Variants in SYCP2L observed in about 807,000 individuals in gnomAD.
The protein encoded by SYCP2L is synaptonemal complex protein 2 like, also known as synaptonemal complex protein 2-like.
SYCP2L carries 98 observed loss-of-function variants against 125.8 expected under a neutral mutation model. That is an observed-to-expected ratio of 0.78 (90% confidence interval 0.66 to 0.92). SYCP2L has a LOEUF of 0.92. Among genes scored for constraint, SYCP2L ranks in the 40% least tolerant of loss-of-function variants. The pLI is 0.00. For missense variants in SYCP2L, 842 were observed against 936.4 expected (o/e 0.90, Z 1.32); for synonymous variants, 317 against 325.4 (o/e 0.97, Z 0.28).
chr6:10,969,531 T>G (rs1273146174), intron 29 of SYCP2L, among the ~76,000 whole-genome samples: 1 of 151,730 alleles, frequency 6.6e-6, no homozygotes, highest in Non-Finnish European at 1.5e-5. Flanking sequence ...CAGCTAATTT[T>G]TTTTTTGTAT....
chr6:10,916,991 C>CA (rs1484374715), intron 14 of SYCP2L, among the ~76,000 whole-genome samples: 8 of 152,200 alleles, frequency 5.3e-5, no homozygotes, highest in Non-Finnish European at 1.2e-4. Flanking sequence ...GACTCCATTT[C>CA]AAAAAATAAA....
At chr6:10,952,061 T>C (rs999870709) in intron 23 of SYCP2L, among the ~76,000 whole-genome samples, 6 of 152,194 alleles carry the variant, frequency 3.9e-5, no homozygotes, top group African/African-American at 1.2e-4. Context: ...GGATTTCACA[T>C]TCTTTTAAGA....
intron 29 of SYCP2L, 71 bp from the exon 30 acceptor site, chr6:10,973,881 G>C (rs1221525277): frequency 6.6e-6 from 1 of 152,210 alleles, no homozygotes; most frequent in Non-Finnish European, 1.5e-5. Context: ...TGGCTCACAG[G>C]GTTCTTAGGG....
chr6:10,943,846 A>G (rs1781264175), intron 23 of SYCP2L, among the ~76,000 whole-genome samples: 1 of 152,174 alleles, frequency 6.6e-6, no homozygotes, highest in African/African-American at 2.4e-5. Flanking sequence ...CTTTTGCTCA[A>G]TCATTTGTGA....
chr6:10,901,512 C>T (rs1403073571), intron 6 of SYCP2L, among the ~76,000 whole-genome samples: 1 of 152,176 alleles, frequency 6.6e-6, no homozygotes. Flanking sequence ...ACTTTTATTA[C>T]AGCAGAGTTT....
intron 9 of SYCP2L, among the ~76,000 whole-genome samples, chr6:10,907,291 C>A (rs941949236): frequency 6.6e-6 from 1 of 151,230 alleles, no homozygotes; most frequent in Non-Finnish European, 1.5e-5. Flanking sequence ...TGCAGTGAGT[C>A]GAGATTGGGC....
In SYCP2L at chr6:10,928,719, A is replaced by G. The variant is rs772081644; in HGVS notation, c.1488+269A>G. On this transcript the variant is annotated intron_variant, in intron 18 of 29. Transcript: ENST00000283141. The stretch of plus-strand genomic sequence containing the variant: ...CGCCTGGCTTATTTTAAAATTTTTT[A>G]TAGAGATGGAGTCTCGCTCCATTCC... Among the ~76,000 whole-genome samples, 42 of 152,082 alleles carry G rather than the reference A, an allele frequency of 2.8e-4. 1 individual carries two copies. The highest frequency in any genetic ancestry group is 2.5e-3 in the Admixed American group (38 of 15,274).
intron 9 of SYCP2L, among the ~76,000 whole-genome samples, chr6:10,907,001 T>A (rs1438484400): frequency 6.6e-6 from 1 of 152,198 alleles, no homozygotes; most frequent in African/African-American, 2.4e-5. Flanking sequence ...AAAATTGTTA[T>A]ATGCCAACCT....
At chr6:10,904,856 C>T (rs1780456252) in intron 8 of SYCP2L, among the ~76,000 whole-genome samples, 1 of 152,022 alleles carries the variant, frequency 6.6e-6, no homozygotes. Flanking sequence ...ATCGACTCGG[C>T]CGGGCATGGT....
intron 23 of SYCP2L, among the ~76,000 whole-genome samples, chr6:10,952,049 A>G (rs144592890): frequency 6.6e-6 from 1 of 152,166 alleles, no homozygotes; most frequent in African/African-American, 2.4e-5. Flanking sequence ...ACACATACAC[A>G]TGGATTTCAC....
intron 26 of SYCP2L, among the ~76,000 whole-genome samples, chr6:10,961,032 C>T (rs140028332): frequency 3.9e-4 from 58 of 150,014 alleles, no homozygotes; most frequent in Middle Eastern, 3.5e-3. Flanking sequence ...GAGCTGAGAT[C>T]ACGCCATTGC....
chr6:10,929,243 A>G (rs956750236), intron 18 of SYCP2L, among the ~76,000 whole-genome samples: 7 of 152,212 alleles, frequency 4.6e-5, no homozygotes, highest in African/African-American at 1.7e-4. Context: ...CTTGGAATAC[A>G]TGACTTGTTT....
At chr6:10,927,455 A>G in intron 17 of SYCP2L, 88 bp downstream of exon 17, 6 of 1,100,998 alleles carry the variant, frequency 5.4e-6, no homozygotes, top group Non-Finnish European at 7.9e-6. Context: ...AAAGTTGGGC[A>G]TCCAGGGGAG....
chr6:10,956,944 A>T (rs1781511144), intron 25 of SYCP2L, among the ~76,000 whole-genome samples: 1 of 152,164 alleles, frequency 6.6e-6, no homozygotes, highest in Non-Finnish European at 1.5e-5. Flanking sequence ...CTCCCACCTA[A>T]GCCTCCCATG....
intron 17 of SYCP2L, among the ~76,000 whole-genome samples, 156 bp from the exon 18 acceptor site, chr6:10,928,247 A>G (rs1780933159): frequency 6.6e-6 from 1 of 151,590 alleles, no homozygotes. Context: ...CACAAGGCAT[A>G]GGAAATCACA....
chr6:10,961,552 T>C lies in SYCP2L; in HGVS notation c.2408T>C (p.Val803Ala). The C allele has an allele frequency of 6.2e-7, 1 of 1,614,152 alleles. No homozygotes were observed. Among genetic ancestry groups the C allele is most frequent in the South Asian group, 1.1e-5 (1 of 91,056 alleles). Residue 803 changes from valine to alanine, a missense_variant, in exon 28 of 30, where the codon GTG becomes GCG. Coordinates refer to ENST00000283141, the MANE Select transcript of SYCP2L (RefSeq NM_001040274.3). ...CTGCAATCTTTCTGTGATCTGCAAG[T>C]GCTGAGGTACTTTGAAAGGTGTTCT... ...ADLQSFCDLQ[V>A]LRFNSTQTS
At chr6:10,970,713 A>G (rs1164245475) in intron 29 of SYCP2L, among the ~76,000 whole-genome samples, 2 of 152,186 alleles carry the variant, frequency 1.3e-5, no homozygotes, top group Non-Finnish European at 2.9e-5. Context: ...CAGGACATGC[A>G]TTCCATATGT....
chr6:10,912,747 T>C lies in SYCP2L; in HGVS notation c.993T>C (p.Phe331=). Residue 331 remains phenylalanine (F), a synonymous_variant, in exon 13 of 30, where the codon TTT becomes TTC. Coordinates refer to ENST00000283141, the MANE Select transcript of SYCP2L (RefSeq NM_001040274.3). The surrounding 1 kb of genome is among the most constrained non-coding windows in gnomAD (Gnocchi z 4.1). The stretch of plus-strand genomic sequence containing the variant: ...ACCTAGGAAGTCAGAGTGTCACTTT[T>C]TATATAGACAATGCTGAGGTAATGA... ...DFNLGSQSVT[F]YIDNAENTLW... 1 of 1,613,758 alleles carries C rather than the reference T, an allele frequency of 6.2e-7. No homozygotes were observed. Among genetic ancestry groups the C allele is most frequent in the Non-Finnish European group, 8.5e-7 (1 of 1,179,834 alleles).
At chr6:10,915,249 A>G (rs551745418) in intron 14 of SYCP2L, among the ~76,000 whole-genome samples, 4 of 152,298 alleles carry the variant, frequency 2.6e-5, no homozygotes, top group South Asian at 4.2e-4. Flanking sequence ...TAGGTATACA[A>G]TCATTATCAT....
Sources: gnomAD v4.1 joint callset for allele counts (sites outside exome capture counted in the v4.1 genomes callset) on GRCh38, gnomAD v4.1.1 for gene constraint, Gnocchi (gnomAD v3.1) non-coding constraint, MANE v1.5 for transcripts, NCBI Gene and HGNC (gene_info 2026-07-23, HGNC 2026-07-21) for gene names.